Variants in EPN1 observed in about 807,000 individuals in gnomAD.
EPN1 encodes the protein epsin-1.
Under a neutral mutation model 56.9 loss-of-function variants are expected in EPN1, and 25 were observed. The ratio of observed to expected loss-of-function variants is 0.44; its 90% CI spans 0.32 to 0.61. EPN1 has a LOEUF of 0.61. Ranked by LOEUF, EPN1 falls within the 20% of genes least tolerant of loss-of-function variation. The probability of loss-of-function intolerance (pLI) is 0.05; values close to 1 mark genes in which losing one functional copy is unlikely to be tolerated. For missense variants in EPN1, 785 were observed against 823.7 expected (o/e 0.95, Z 0.58); for synonymous variants, 411 against 361.8 (o/e 1.14, Z -1.54).
In EPN1 at chr19:55,697,336, C is replaced by T. The variant is rs755199800; in HGVS notation, c.*1980C>T. On this transcript the variant is annotated 3_prime_UTR_variant, in exon 11 of 11. Transcript: ENST00000270460. ...GCCTCCCTCTTGCCAATCTTGGTCT[C>T]CCCACAGGGTCATAGCTCCTGGGCC... 6.6e-6 allele frequency: 1 copy of T among 152,170 alleles called. No homozygotes were observed. Among genetic ancestry groups the T allele is most frequent in the Non-Finnish European group, 1.5e-5 (1 of 68,038 alleles). 9.4% of individuals were successfully genotyped at this position (152,170 alleles called of 1,614,324 possible). A position where few individuals can be genotyped will look rare whatever the true frequency, so the allele number is the denominator to read the frequency against.
In EPN1 at chr19:55,709,432, T is replaced by C. The variant is rs565491563; in HGVS notation, c.*14076T>C. The C allele has an allele frequency of 9.1e-5, 14 of 153,716 alleles. No homozygotes were observed. The East Asian group carries it at 2.3e-3, about 25-fold the overall frequency. The allele number at this position is 153,716 out of a possible 1,614,324, so 9.5% of individuals were successfully genotyped here. A position where few individuals can be genotyped will look rare whatever the true frequency, so the allele number is the denominator to read the frequency against. ...CAGAGACACTAATATAATGAATTCA[T>C]GTACCCATCACCAACTTCTACAATT... On this transcript the variant is annotated 3_prime_UTR_variant, in exon 11 of 11. Coordinates refer to ENST00000270460, the MANE Select transcript of EPN1 (RefSeq NM_001130072.2).
Position 55,704,292 on chromosome 19 carries a change from G to C in EPN1, c.*8936G>C, listed in dbSNP as rs1987288268. On this transcript the variant is annotated 3_prime_UTR_variant, in exon 11 of 11. Coordinates refer to ENST00000270460, the MANE Select transcript of EPN1 (RefSeq NM_001130072.2). ...TGCGCCCTCCTGAAAGCTCTATGTT[G>C]AAACCCTACCCCCCACCCTGCACCG... is the stretch of plus-strand genomic sequence containing the variant. 6.6e-6 allele frequency: 1 copy of C among 152,312 alleles called. No individual in the cohort carries two copies. 9.4% of individuals were successfully genotyped at this position (152,312 alleles called of 1,614,324 possible).
chr19:55,680,790 C>T (rs11665941), intron 2 of EPN1: 6 of 152,570 alleles, frequency 3.9e-5, no homozygotes, highest in African/African-American at 1.2e-4. Flanking sequence ...TGAGGACAAC[C>T]CCACAGGCCC....
Position 55,695,530 on chromosome 19 carries a change from A to G in EPN1, c.*174A>G. ...TCCCACCCCACCTCCCCGGAGAGAA[A>G]CTGGACATGGGGCCTGGGGAGGGGA... On this transcript the variant is annotated 3_prime_UTR_variant, in exon 11 of 11. Transcript: ENST00000270460. The surrounding 1 kb of genome is among the most constrained non-coding windows in gnomAD (Gnocchi z 4.4). The G allele has an allele frequency of 5.1e-6, 3 of 588,498 alleles. No individual in the cohort carries two copies. The highest frequency in any genetic ancestry group is 9.1e-6 in the Non-Finnish European group (3 of 331,252). 36.5% of individuals were successfully genotyped at this position (588,498 alleles called of 1,614,324 possible).
At position 55,700,090 on chromosome 19, in the gene EPN1, T is replaced by G. The variant is rs1374957628; in HGVS notation, c.*4734T>G. 1 of 151,566 alleles carries G rather than the reference T, an allele frequency of 6.6e-6. No individual in the cohort carries two copies. Among genetic ancestry groups the G allele is most frequent in the Non-Finnish European group, 1.5e-5 (1 of 67,962 alleles). The allele number at this position is 151,566 out of a possible 1,614,324, so 9.4% of individuals were successfully genotyped here. A position where few individuals can be genotyped will look rare whatever the true frequency, so the allele number is the denominator to read the frequency against. Reference sequence around the variant, plus strand: ...TGCCCACCACCATGCCCAGCTAATTTTTTTGTATTTTTTTAGTAGAGACGG... The same window carrying G: ...TGCCCACCACCATGCCCAGCTAATTGTTTTGTATTTTTTTAGTAGAGACGG... On this transcript the variant is annotated 3_prime_UTR_variant, in exon 11 of 11. Coordinates refer to ENST00000270460, the MANE Select transcript of EPN1 (RefSeq NM_001130072.2).
At position 55,704,760 on chromosome 19, in the gene EPN1, T is replaced by C; in HGVS notation, c.*9404T>C. On this transcript the variant is annotated 3_prime_UTR_variant, in exon 11 of 11. Transcript: ENST00000270460. ...GCCACCTACATCTCTCTCCTTGGCC[T>C]GCCGCCTGTGATGCTCCTGGGCCCC... is the stretch of plus-strand genomic sequence containing the variant. The C allele has an allele frequency of 6.5e-6, 1 of 152,922 alleles. No homozygotes were observed. The highest frequency in any genetic ancestry group is 1.5e-5 in the Non-Finnish European group (1 of 68,446). The allele number at this position is 152,922 out of a possible 1,614,324, so 9.5% of individuals were successfully genotyped here.
Position 55,699,228 on chromosome 19 carries a change from T to G in EPN1, c.*3872T>G, listed in dbSNP as rs1469619597. On this transcript the variant is annotated 3_prime_UTR_variant, in exon 11 of 11. Transcript: ENST00000270460. ...CCGCCTCCCCCAGGCCCTTAGTTTGTGCTGCTCTGCGTTGGTTTTCTGCGT... is the reference window on the plus strand; with the variant it reads ...CCGCCTCCCCCAGGCCCTTAGTTTGGGCTGCTCTGCGTTGGTTTTCTGCGT... 1.3e-5 allele frequency: 2 copies of G among 152,170 alleles called. No homozygotes were observed. Among genetic ancestry groups the G allele is most frequent in the East Asian group, 3.9e-4 (2 of 5,180 alleles). The allele number at this position is 152,170 out of a possible 1,614,324, so 9.4% of individuals were successfully genotyped here. A position where few individuals can be genotyped will look rare whatever the true frequency, so the allele number is the denominator to read the frequency against.
Position 55,685,433 on chromosome 19 carries a change from C to T in EPN1, c.266C>T (p.Ser89Leu). ...ATGGAGTACCTCATCAAGACCGGCT[C>T]GGAGCGCGTGTCGCAGCAGTGCAAG... ...TLMEYLIKTG[S>L]ERVSQQCKEN... The change falls in exon 3 of 11, where the codon TCG (serine) becomes TTG (leucine). Residue 89 changes from serine to leucine, a missense_variant. Ser to Leu is a moderately radical substitution (Grantham distance 145). This residue lies in a region of EPN1 where 135 missense variants were observed against 218.7 expected (regional missense o/e 0.62). Coordinates refer to ENST00000270460, the MANE Select transcript of EPN1 (RefSeq NM_001130072.2). The T allele has an allele frequency of 1.9e-6, 3 of 1,610,388 alleles. No individual in the cohort carries two copies. The highest frequency in any genetic ancestry group is 2.5e-6 in the Non-Finnish European group (3 of 1,178,736).
intron 6 of EPN1, among the ~76,000 whole-genome samples, chr19:55,690,696 G>A (rs527421867): frequency 1.3e-5 from 2 of 152,140 alleles, no homozygotes; most frequent in Admixed American, 6.5e-5. Context: ...GAGTTGCCTC[G>A]TCAGCCTGTG....
At chr19:55,693,717 A>G (rs1568579783) in intron 9 of EPN1, among the ~76,000 whole-genome samples, 1 of 152,194 alleles carries the variant, frequency 6.6e-6, no homozygotes, top group Non-Finnish European at 1.5e-5. Context: ...AGTGAAGAGC[A>G]GGTTGTGGTA....
intron 2 of EPN1, among the ~76,000 whole-genome samples, chr19:55,683,569 T>C (rs1037908433): frequency 1.3e-5 from 2 of 152,054 alleles, no homozygotes; most frequent in East Asian, 3.9e-4. Flanking sequence ...GCCAGGCTGG[T>C]CTCGAACCCC....
Position 55,689,064 on chromosome 19 carries a change from G to A in EPN1, c.603+70G>A. ...ACGCCTCACTTCAGGCTCCCTCCCA[G>A]CCAGGCGTGGGCCTGGCCCTCACTG... On this transcript the variant is annotated intron_variant, in intron 4 of 10. Coordinates refer to ENST00000270460, the MANE Select transcript of EPN1 (RefSeq NM_001130072.2). This position sits in a 1 kb window ranked among gnomAD's most constrained non-coding sequence, Gnocchi z 5.7. The A allele has an allele frequency of 2.0e-6, 3 of 1,498,440 alleles. No individual in the cohort carries two copies. Among genetic ancestry groups the A allele is most frequent in the Non-Finnish European group, 2.7e-6 (3 of 1,125,202 alleles). 92.8% of individuals were successfully genotyped at this position (1,498,440 alleles called of 1,614,324 possible).
intron 1 of EPN1, 36 bp from the exon 2 acceptor site, chr19:55,678,491 C>T (rs963932233): frequency 4.6e-6 from 7 of 1,515,826 alleles, no homozygotes; most frequent in Middle Eastern, 3.6e-4. Flanking sequence ...AGGCCATGTC[C>T]CATTTGTGTT....
chr19:55,693,022 T>C lies in EPN1; in HGVS notation c.1249T>C (p.Ser417Pro). 2 of 1,612,988 alleles carry C rather than the reference T, an allele frequency of 1.2e-6. No individual in the cohort carries two copies. The highest frequency in any genetic ancestry group is 1.7e-6 in the Non-Finnish European group (2 of 1,179,418). Residue 417 changes from serine (S) to proline (P), a missense_variant, in exon 9 of 11, where the codon TCC (serine) becomes CCC (proline). Around this residue, in one of 2 missense-constraint regions of EPN1, gnomAD observed 650 missense variants for 605.0 expected, o/e 1.07. Coordinates refer to ENST00000270460, the MANE Select transcript of EPN1 (RefSeq NM_001130072.2). The stretch of plus-strand genomic sequence containing the variant: ...CCGACTCCGCACGGCACTGCCGACC[T>C]CCGGGAGCAGCGCAGGTGAGCCCCT... Reference protein sequence around the residue: ...FDRLRTALPTSGSSAGELELL... With the variant: ...FDRLRTALPTPGSSAGELELL...
chr19:55,685,311 G>A, intron 2 of EPN1, 85 bp from the exon 3 acceptor site: 1 of 1,517,664 alleles, frequency 6.6e-7, no homozygotes, highest in South Asian at 1.2e-5. Flanking sequence ...CGCCCAGTCG[G>A]CCGCCCCAGA....
rs898593988 is a variant in EPN1, at chr19:55,695,690, G to A, written c.*334G>A. 5 of 316,702 alleles carry A rather than the reference G, an allele frequency of 1.6e-5. No homozygotes were observed. Among genetic ancestry groups the A allele is most frequent in the South Asian group, 7.5e-5 (1 of 13,260 alleles). The allele number at this position is 316,702 out of a possible 1,614,324, so 19.6% of individuals were successfully genotyped here. ...GCCTCCTCGTTCCCCTCACGCACCC[G>A]CTCACGCACCCTCGGTGAATCCTTG... On this transcript the variant is annotated 3_prime_UTR_variant, in exon 11 of 11. Coordinates refer to ENST00000270460, the MANE Select transcript of EPN1 (RefSeq NM_001130072.2). This position sits in a 1 kb window ranked among gnomAD's most constrained non-coding sequence, Gnocchi z 4.4.
rs6509951 is a variant in EPN1, at chr19:55,698,267, T to C, written c.*2911T>C. On this transcript the variant is annotated 3_prime_UTR_variant, in exon 11 of 11. Coordinates refer to ENST00000270460, the MANE Select transcript of EPN1 (RefSeq NM_001130072.2). ...TCATGGTGGTGCTCCCGGCTGGCTC[T>C]CAGGAGCAGATGTGCTTCTGACCCG... The C allele has an allele frequency of 0.04, 6,023 of 152,290 alleles. 142 individuals carry two copies. The highest frequency in any genetic ancestry group is 0.053 in the South Asian group (255 of 4,814). The allele number at this position is 152,290 out of a possible 1,614,324, so 9.4% of individuals were successfully genotyped here. A position where few individuals can be genotyped will look rare whatever the true frequency, so the allele number is the denominator to read the frequency against.
intron 9 of EPN1, chr19:55,693,405 G>C (rs1357004778): frequency 5.9e-6 from 1 of 168,094 alleles, no homozygotes; most frequent in African/African-American, 2.4e-5. Flanking sequence ...GGGTTTGGAA[G>C]GCAGCCGAGG....
In EPN1 at chr19:55,702,451, G is replaced by C. The variant is rs980437103; in HGVS notation, c.*7095G>C. On this transcript the variant is annotated 3_prime_UTR_variant, in exon 11 of 11. Transcript: ENST00000270460. ...TGCCTAAAGAAAGGGAAAGGAATGT[G>C]CTTTAGGCCCACTGTTTTCACTGGG... is the stretch of plus-strand genomic sequence containing the variant. 6 of 152,208 alleles carry C rather than the reference G, an allele frequency of 3.9e-5. No individual in the cohort carries two copies. Among genetic ancestry groups the C allele is most frequent in the Admixed American group, 6.5e-5 (1 of 15,274 alleles). The allele number at this position is 152,208 out of a possible 1,614,324, so 9.4% of individuals were successfully genotyped here.
Sources: allele counts gnomAD v4.1 joint callset (sites outside exome capture counted in the v4.1 genomes callset), GRCh38; gene constraint gnomAD v4.1.1; regional missense constraint gnomAD v4.1.1; non-coding constraint Gnocchi (gnomAD v3.1); transcripts MANE v1.5; gene names NCBI Gene and HGNC (gene_info 2026-07-23, HGNC 2026-07-21).